Variants in ANKRD36 observed in about 807,000 individuals in gnomAD.
ANKRD36 encodes ankyrin repeat domain-containing protein 36A.
ANKRD36 carries 179 observed loss-of-function variants against 278.1 expected under a neutral mutation model. The observed-to-expected ratio is 0.64, with a 90% CI of 0.57 to 0.73. The LOEUF (loss-of-function observed/expected upper bound fraction) is 0.73, where lower values mean the gene tolerates loss of function less well. ANKRD36 is among the 30% of genes least tolerant of loss of function. ANKRD36 has a pLI of 0.00. For synonymous variants in ANKRD36, 320 were observed against 641.1 expected, an observed-to-expected ratio of 0.50 and a Z score of 7.57; for missense variants, 1,159 against 1,956.7, an observed-to-expected ratio of 0.59 and a Z score of 7.69.
At chr2:97,206,950 C>T (rs2063022287) in intron 52 of ANKRD36, among the ~76,000 whole-genome samples, 2 of 151,426 alleles carry the variant, frequency 1.3e-5, no homozygotes, top group Admixed American at 1.3e-4. Context: ...ACATGATACT[C>T]CCAAGAAGGC....
At chr2:97,217,136 T>C in intron 62 of ANKRD36, 41 bp from the exon 63 acceptor site, 1 of 1,537,240 alleles carries the variant, frequency 6.5e-7, no homozygotes. Context: ...GACTTTGTCA[T>C]ATTTACATAT....
Position 97,113,757 on chromosome 2 carries a change from G to A in ANKRD36, c.18G>A (p.Arg6=). The A allele has an allele frequency of 6.2e-7, 1 of 1,612,736 alleles. No homozygotes were observed. Among genetic ancestry groups the A allele is most frequent in the Non-Finnish European group, 8.5e-7 (1 of 1,179,962 alleles). ...CGACGATTATGGAAGACGGCAAGCGGGAGAGGTGGCCCACCCTCATGGAGC... is the reference window on the plus strand; with the variant it reads ...CGACGATTATGGAAGACGGCAAGCGAGAGAGGTGGCCCACCCTCATGGAGC... MEDGK[R]ERWPTLMERL... The change falls in exon 1 of 76, where the codon CGG becomes CGA. Residue 6 remains arginine (R), a synonymous_variant. Transcript: ENST00000420699.
chr2:97,205,346 T>C (rs1251947184), intron 50 of ANKRD36, among the ~76,000 whole-genome samples: 4 of 151,578 alleles, frequency 2.6e-5, no homozygotes, highest in Non-Finnish European at 5.9e-5. Flanking sequence ...AGCAAATTAT[T>C]ACACCACATG....
intron 50 of ANKRD36, among the ~76,000 whole-genome samples, chr2:97,205,100 CAA>C (rs2062482580): frequency 6.6e-6 from 1 of 151,450 alleles, no homozygotes; most frequent in African/African-American, 2.4e-5. Context: ...ATTTTAGAAA[CAA>C]AAATTATGTT....
chr2:97,242,335 G>C (rs1314278461), intron 69 of ANKRD36, among the ~76,000 whole-genome samples: 1 of 151,918 alleles, frequency 6.6e-6, no homozygotes, highest in East Asian at 1.9e-4. Flanking sequence ...AATATGCAGG[G>C]AATGAAAAGT....
intron 20 of ANKRD36, among the ~76,000 whole-genome samples, chr2:97,164,787 A>G (rs919390912): frequency 6.6e-6 from 1 of 152,302 alleles, no homozygotes; most frequent in African/African-American, 2.4e-5. Context: ...TTCAAAATTG[A>G]TTGCAATACT....
intron 6 of ANKRD36, among the ~76,000 whole-genome samples, chr2:97,134,355 G>A (rs905382900): frequency 2.0e-5 from 3 of 152,046 alleles, no homozygotes; most frequent in African/African-American, 7.2e-5. Flanking sequence ...ACTTCATGCT[G>A]TGTACTACAC....
intron 67 of ANKRD36, among the ~76,000 whole-genome samples, chr2:97,226,292 T>C (rs1228642582): frequency 6.6e-6 from 1 of 152,084 alleles, no homozygotes; most frequent in East Asian, 2.0e-4. Flanking sequence ...ACCTGTTGTT[T>C]CCAGATTTTT....
At chr2:97,196,868 G>T (rs1302273562) in intron 42 of ANKRD36, 80 bp downstream of exon 42, 18 of 1,525,960 alleles carry the variant, frequency 1.2e-5, no homozygotes, top group East Asian at 2.5e-5. Context: ...TCAGCGGGGG[G>T]CTCATCGAAG....
At chr2:97,195,059 G>A in intron 40 of ANKRD36, 142 bp downstream of exon 40, 10 of 1,297,850 alleles carry the variant, frequency 7.7e-6, no homozygotes, top group Non-Finnish European at 1.0e-5. Flanking sequence ...AAGTTCTTGG[G>A]TTATGCTGAT....
At chr2:97,158,478 T>C (rs143236552) in intron 16 of ANKRD36, 110 bp from the exon 17 acceptor site, 59 of 1,085,220 alleles carry the variant, frequency 5.4e-5, no homozygotes, top group South Asian at 4.6e-4. Flanking sequence ...CTGCCTGCAT[T>C]GGCCCCCCAA....
intron 1 of ANKRD36, among the ~76,000 whole-genome samples, chr2:97,117,012 G>T (rs948250812): frequency 9.3e-5 from 14 of 150,766 alleles, no homozygotes; most frequent in Middle Eastern, 3.5e-3. Flanking sequence ...TAAAATGGAA[G>T]CGTTAGGACT....
At chr2:97,231,655 C>T (rs549568712) in intron 67 of ANKRD36, among the ~76,000 whole-genome samples, 1 of 152,228 alleles carries the variant, frequency 6.6e-6, no homozygotes, top group African/African-American at 2.4e-5. Flanking sequence ...CCAGCACCCA[C>T]TGTCTGGCAC....
At chr2:97,205,091 T>C (rs2062479926) in intron 50 of ANKRD36, among the ~76,000 whole-genome samples, 2 of 151,542 alleles carry the variant, frequency 1.3e-5, no homozygotes, top group African/African-American at 4.8e-5. Flanking sequence ...AACAAGGGTA[T>C]TTTAGAAACA....
At chr2:97,199,368 C>G (rs1397799961) in intron 44 of ANKRD36, among the ~76,000 whole-genome samples, 2 of 151,860 alleles carry the variant, frequency 1.3e-5, no homozygotes, top group East Asian at 1.9e-4. Flanking sequence ...TTATAAAAAT[C>G]AGATAATCTT....
chr2:97,206,209 C>G, intron 52 of ANKRD36, 74 bp downstream of exon 52: 1 of 1,398,784 alleles, frequency 7.1e-7, no homozygotes, highest in Non-Finnish European at 9.6e-7. Flanking sequence ...AGTAAATCAG[C>G]GGGGGGCTCA....
rs559113883 is a variant in ANKRD36, at chr2:97,187,534, G to A, written c.2143+133G>A. 4.6e-5 allele frequency: 60 copies of A among 1,303,492 alleles called. No homozygotes were observed. In the African/African-American group the frequency reaches 7.1e-4, roughly 15 times the overall value. 80.7% of individuals were successfully genotyped at this position (1,303,492 alleles called of 1,614,324 possible). On this transcript the variant is annotated intron_variant, in intron 32 of 75. Coordinates refer to ENST00000420699, the MANE Select transcript of ANKRD36 (RefSeq NM_001354587.1). ...ACATTCTGATCCAGCAGGTCTGAGA[G>A]TCTTCATTTGTAATAAATTCTTGGG...
chr2:97,136,175 A>C (rs2041453872), intron 6 of ANKRD36, among the ~76,000 whole-genome samples: 1 of 147,694 alleles, frequency 6.8e-6, no homozygotes, highest in Non-Finnish European at 1.5e-5. Context: ...GCTTTCATAA[A>C]ATCCCAAAAG....
At chr2:97,117,272 G>A (rs1267623794) in intron 1 of ANKRD36, among the ~76,000 whole-genome samples, 1 of 151,710 alleles carries the variant, frequency 6.6e-6, no homozygotes, top group Non-Finnish European at 1.5e-5. Context: ...ATTGAAGTGA[G>A]AATTACTTTG....
Sources: allele counts gnomAD v4.1 joint callset (sites outside exome capture counted in the v4.1 genomes callset), GRCh38; gene constraint gnomAD v4.1.1; transcripts MANE v1.5; gene names NCBI Gene and HGNC (gene_info 2026-07-23, HGNC 2026-07-21).